WIZ: variants seen among roughly 807,000 people sequenced by gnomAD.
WIZ encodes protein Wiz.
WIZ carries 25 observed loss-of-function variants against 140.2 expected under a neutral mutation model. The observed-to-expected ratio is 0.18, with a 90% CI of 0.13 to 0.25. WIZ has a LOEUF of 0.25. Among genes scored for constraint, WIZ ranks in the 10% least tolerant of loss-of-function variants. The probability of loss-of-function intolerance (pLI) is 1.00; values close to 1 mark genes in which losing one functional copy is unlikely to be tolerated. For synonymous variants in WIZ, 1,125 were observed against 1,154.3 expected, an observed-to-expected ratio of 0.97 and a Z score of 0.51; for missense variants, 2,231 against 2,632.6, an observed-to-expected ratio of 0.85 and a Z score of 3.34.
chr19:15,439,994 T>G lies in WIZ; in HGVS notation c.1000A>C (p.Met334Leu), dbSNP rs773905815. ...CCCGGGGCTCGGCGGTGCTGGCTCATGTGCTCCAGGAGGTGCTCCTTCTGC... is the reference window on the plus strand; with the variant it reads ...CCCGGGGCTCGGCGGTGCTGGCTCAGGTGCTCCAGGAGGTGCTCCTTCTGC... ...FKQKEHLLEH[M>L]SQHRRAPGQE... The change falls in exon 4 of 13, where the codon ATG becomes CTG. Residue 334 changes from methionine to leucine, a missense_variant. Coordinates refer to ENST00000673675, the MANE Select transcript of WIZ (RefSeq NM_001371589.1). This position sits in a 1 kb window ranked among gnomAD's most constrained non-coding sequence, Gnocchi z 7.0. 1 of 1,535,786 alleles carries G rather than the reference T, an allele frequency of 6.5e-7. No individual in the cohort carries two copies. The highest frequency in any genetic ancestry group is 8.7e-7 in the Non-Finnish European group (1 of 1,146,764).
chr19:15,439,759 G>A lies in WIZ; in HGVS notation c.1235C>T (p.Ser412Leu). ...QCPKCVFGTN[S>L]SRAYVQHAKL... is the part of the protein sequence containing the mutation. ...GGCATGCTGCACATAGGCCCTGGATGAATTGGTGCCAAAGACACACTTAGG... is the reference window on the plus strand; with the variant it reads ...GGCATGCTGCACATAGGCCCTGGATAAATTGGTGCCAAAGACACACTTAGG... The change falls in exon 4 of 13, where the codon TCA becomes TTA. Residue 412 changes from serine (S) to leucine (L), a missense_variant. Ser to Leu is a moderately radical substitution (Grantham distance 145). Around this residue, in one of 15 missense-constraint regions of WIZ, gnomAD observed 475 missense variants for 520.2 expected, o/e 0.91. Transcript: ENST00000673675. This position sits in a 1 kb window ranked among gnomAD's most constrained non-coding sequence, Gnocchi z 7.0. The A allele has an allele frequency of 1.4e-6, 2 of 1,479,628 alleles. No individual in the cohort carries two copies. The highest frequency in any genetic ancestry group is 1.8e-6 in the Non-Finnish European group (2 of 1,120,024). The allele number at this position is 1,479,628 out of a possible 1,614,324, so 91.7% of individuals were successfully genotyped here. A position where few individuals can be genotyped will look rare whatever the true frequency, so the allele number is the denominator to read the frequency against.
At chr19:15,441,356 C>A (rs1375179696) in intron 3 of WIZ, among the ~76,000 whole-genome samples, 2 of 152,170 alleles carry the variant, frequency 1.3e-5, no homozygotes, top group Non-Finnish European at 2.9e-5. Flanking sequence ...TTTTCCAATC[C>A]TGAAATTGGG....
In WIZ at chr19:15,426,991, G is replaced by A. The variant is rs777914432; in HGVS notation, c.4357C>T (p.Leu1453=). 19 of 1,612,114 alleles carry A rather than the reference G, an allele frequency of 1.2e-5. No homozygotes were observed. Among genetic ancestry groups the A allele is most frequent in the Admixed American group, 3.3e-5 (2 of 59,928 alleles). ...GCAGGGTCACACTTACACAGGTTCA[G>A]GGGTGTCATGTCTTCCCGTGGTGCC... ...WGAPREDMTP[L]NLSSRAEPVR... Residue 1453 remains leucine, a synonymous_variant, in exon 9 of 13, where the codon CTG becomes TTG. Transcript: ENST00000673675.
chr19:15,437,994 GACACACAC>G (rs140038466), intron 4 of WIZ, among the ~76,000 whole-genome samples: 1 of 150,544 alleles, frequency 6.6e-6, no homozygotes, highest in African/African-American at 2.4e-5. Flanking sequence ...CTAGTGCGTA[GACACACAC>G]ACACACACAC....
rs34791443 is a variant in WIZ, at chr19:15,442,184, CAAA to C, written c.278+489_278+491del. On this transcript the variant is annotated intron_variant, in intron 3 of 12. Transcript: ENST00000673675. This position sits in a 1 kb window ranked among gnomAD's most constrained non-coding sequence, Gnocchi z 5.5. ...CCTGGGCGATAGAGTGAGACTTTCT[CAAA>C]AAAAAAAAAAAAAGATGACTATGAC... Among the ~76,000 whole-genome samples the C allele has an allele frequency of 3.7e-5, 5 of 134,696 alleles. No homozygotes were observed. The highest frequency in any genetic ancestry group is 7.4e-5 in the Admixed American group (1 of 13,580). 88.4% of individuals were successfully genotyped at this position (134,696 alleles called of 152,430 possible).
Position 15,424,086 on chromosome 19 carries a change from C to A in WIZ, c.5510+97G>T. On this transcript the variant is annotated intron_variant, in intron 12 of 12. Coordinates refer to ENST00000673675, the MANE Select transcript of WIZ (RefSeq NM_001371589.1). This position sits in a 1 kb window ranked among gnomAD's most constrained non-coding sequence, Gnocchi z 9.7. ...CACCCAAGGGCAGCCACTGAGGCGACACCTCCCAGCTTCCACCAAACCCTA... is the reference window on the plus strand; with the variant it reads ...CACCCAAGGGCAGCCACTGAGGCGAAACCTCCCAGCTTCCACCAAACCCTA... 8.3e-7 allele frequency: 1 copy of A among 1,199,258 alleles called. No individual in the cohort carries two copies. Among genetic ancestry groups the A allele is most frequent in the Non-Finnish European group, 1.1e-6 (1 of 896,040 alleles). The allele number at this position is 1,199,258 out of a possible 1,614,324, so 74.3% of individuals were successfully genotyped here.
rs1346157987 is a variant in WIZ at position 15,422,211 on chromosome 19, G to T, written c.*865C>A. 1 of 152,250 alleles carries T rather than the reference G, an allele frequency of 6.6e-6. No individual in the cohort carries two copies. The highest frequency in any genetic ancestry group is 1.5e-5 in the Non-Finnish European group (1 of 68,060). 9.4% of individuals were successfully genotyped at this position (152,250 alleles called of 1,614,324 possible). A position where few individuals can be genotyped will look rare whatever the true frequency, so the allele number is the denominator to read the frequency against. On this transcript the variant is annotated 3_prime_UTR_variant, in exon 13 of 13. Coordinates refer to ENST00000673675, the MANE Select transcript of WIZ (RefSeq NM_001371589.1). ...AGCTCCTGGCTTCTAGCTGGCCCAG[G>T]ATTGCAAAATAAAAAGATCCACGTT... is the stretch of plus-strand genomic sequence containing the variant.
chr19:15,430,646 C>T lies in WIZ; in HGVS notation c.2911+366G>A, dbSNP rs575438043. On this transcript the variant is annotated intron_variant, in intron 6 of 12. Coordinates refer to ENST00000673675, the MANE Select transcript of WIZ (RefSeq NM_001371589.1). ...CCTCCCTGGAGTCCACCCCAGGGCC[C>T]GTCACTAGTCAATAACAACCTTAGG... is the stretch of plus-strand genomic sequence containing the variant. 6.6e-5 allele frequency among the ~76,000 whole-genome samples: 10 copies of T among 152,276 alleles called. No individual in the cohort carries two copies. The East Asian group carries it at 1.9e-3, about 29-fold the overall frequency.
At chr19:15,446,787 C>T (rs1969934504) in intron 2 of WIZ, among the ~76,000 whole-genome samples, 1 of 152,256 alleles carries the variant, frequency 6.6e-6, no homozygotes. Context: ...ATCATAACAT[C>T]TGTCTCCCCA....
intron 1 of WIZ, among the ~76,000 whole-genome samples, chr19:15,449,031 C>T (rs1970017610): frequency 6.6e-6 from 1 of 152,044 alleles, no homozygotes; most frequent in South Asian, 2.1e-4. Flanking sequence ...TCATGCATAC[C>T]CAGCTTGGGC....
chr19:15,447,966 G>A lies in WIZ; in HGVS notation c.205+137C>T, dbSNP rs954088387. ...ACTGTCAAATAAGAAACTAAACAGA[G>A]TACAAAGAAAAGGCTCTGGACCCAA... On this transcript the variant is annotated intron_variant, in intron 2 of 12. Coordinates refer to ENST00000673675, the MANE Select transcript of WIZ (RefSeq NM_001371589.1). 5 of 1,008,502 alleles carry A rather than the reference G, an allele frequency of 5.0e-6. 1 individual carries two copies. The highest frequency in any genetic ancestry group is 3.3e-5 in the African/African-American group (2 of 61,076). 62.5% of individuals were successfully genotyped at this position (1,008,502 alleles called of 1,614,324 possible).
intron 2 of WIZ, among the ~76,000 whole-genome samples, chr19:15,444,321 A>G (rs1433915946): frequency 6.6e-6 from 1 of 152,090 alleles, no homozygotes; most frequent in Non-Finnish European, 1.5e-5. Context: ...TGAACCCAAG[A>G]AAAGGGTTGT....
rs1449750861 is a variant in WIZ at position 15,422,212 on chromosome 19, A to C, written c.*864T>G. On this transcript the variant is annotated 3_prime_UTR_variant, in exon 13 of 13. Coordinates refer to ENST00000673675, the MANE Select transcript of WIZ (RefSeq NM_001371589.1). The stretch of plus-strand genomic sequence containing the variant: ...GCTCCTGGCTTCTAGCTGGCCCAGG[A>C]TTGCAAAATAAAAAGATCCACGTTC... 6.6e-6 allele frequency: 1 copy of C among 152,264 alleles called. No homozygotes were observed. The highest frequency in any genetic ancestry group is 1.5e-5 in the Non-Finnish European group (1 of 68,070). The allele number at this position is 152,264 out of a possible 1,614,324, so 9.4% of individuals were successfully genotyped here.
intron 12 of WIZ, chr19:15,423,914 C>T (rs900173310): frequency 5.9e-5 from 24 of 407,430 alleles, no homozygotes; most frequent in African/African-American, 3.1e-4. Flanking sequence ...GTTATCAACC[C>T]GCTTTTATGA....
At chr19:15,430,334 G>C (rs1192045471) in intron 6 of WIZ, among the ~76,000 whole-genome samples, 2 of 152,244 alleles carry the variant, frequency 1.3e-5, no homozygotes, top group African/African-American at 4.8e-5. Context: ...GCAGGAGATA[G>C]AGCCCTTCTG....
chr19:15,428,048 C>G lies in WIZ; in HGVS notation c.3814+62G>C, dbSNP rs915357826. ...CCCCAGCAGGGAGGGGGCTGTGACC[C>G]CCCCCCCGGGAGGGGCTCCAGGGCC... On this transcript the variant is annotated intron_variant, in intron 8 of 12. Transcript: ENST00000673675. This position sits in a 1 kb window ranked among gnomAD's most constrained non-coding sequence, Gnocchi z 6.4. 2.0e-5 allele frequency: 30 copies of G among 1,513,714 alleles called. No homozygotes were observed. Among genetic ancestry groups the G allele is most frequent in the Admixed American group, 8.5e-5 (4 of 47,030 alleles). The allele number at this position is 1,513,714 out of a possible 1,614,324, so 93.8% of individuals were successfully genotyped here. A position where few individuals can be genotyped will look rare whatever the true frequency, so the allele number is the denominator to read the frequency against.
chr19:15,439,877 G>A lies in WIZ; in HGVS notation c.1117C>T (p.Leu373=). ...ATCTTCTCCCGGGAGGCCTGATGCA[G>A]CTGCCGGTGCTGCTCCAGGGCAGTG... is the stretch of plus-strand genomic sequence containing the variant. ...DPTALEQHRQ[L]HQASREKIIE... The change falls in exon 4 of 13, where the codon CTG becomes TTG. Residue 373 remains leucine, a synonymous_variant. Coordinates refer to ENST00000673675, the MANE Select transcript of WIZ (RefSeq NM_001371589.1). The surrounding 1 kb of genome is among the most constrained non-coding windows in gnomAD (Gnocchi z 7.0). 6.6e-7 allele frequency: 1 copy of A among 1,524,760 alleles called. No individual in the cohort carries two copies. Among genetic ancestry groups the A allele is most frequent in the Non-Finnish European group, 8.8e-7 (1 of 1,140,912 alleles). 94.5% of individuals were successfully genotyped at this position (1,524,760 alleles called of 1,614,324 possible).
rs1215742790 is a variant in WIZ at position 15,420,252 on chromosome 19, G to A, written c.*2824C>T. On this transcript the variant is annotated 3_prime_UTR_variant, in exon 13 of 13. Coordinates refer to ENST00000673675, the MANE Select transcript of WIZ (RefSeq NM_001371589.1). ...CCATTTTACTGTTTGCTCTACTTTT[G>A]TATAGTTGGAATTCTCCATGATAAA... 1 of 152,202 alleles carries A rather than the reference G, an allele frequency of 6.6e-6. No homozygotes were observed. Among genetic ancestry groups the A allele is most frequent in the African/African-American group, 2.4e-5 (1 of 41,454 alleles). The allele number at this position is 152,202 out of a possible 1,614,324, so 9.4% of individuals were successfully genotyped here.
In WIZ at chr19:15,429,850, G is replaced by A. The variant is rs765346675; in HGVS notation, c.3151C>T (p.Pro1051Ser). 41 of 1,530,212 alleles carry A rather than the reference G, an allele frequency of 2.7e-5. No homozygotes were observed. In the African/African-American group the frequency reaches 5.6e-4, roughly 21 times the overall value. 94.8% of individuals were successfully genotyped at this position (1,530,212 alleles called of 1,614,324 possible). Residue 1051 changes from proline to serine, a missense_variant, in exon 7 of 13, where the codon CCC (proline) becomes TCC (serine). Pro to Ser is a moderately conservative substitution (Grantham distance 74). This residue lies in a region of WIZ where 163 missense variants were observed against 166.8 expected (regional missense o/e 0.98). Coordinates refer to ENST00000673675, the MANE Select transcript of WIZ (RefSeq NM_001371589.1). The stretch of plus-strand genomic sequence containing the variant: ...GCCAGGCTGAGCAAGCCGGGCCGGG[G>A]GGCCCCGGCGACCACCTCCTTCAGT... ...SSLKEVVAGA[P>S]RPGLLSLAKP...
Sources: gnomAD v4.1 joint callset for allele counts (sites outside exome capture counted in the v4.1 genomes callset) on GRCh38, gnomAD v4.1.1 for gene constraint, gnomAD v4.1.1 regional missense constraint, Gnocchi (gnomAD v3.1) non-coding constraint, MANE v1.5 for transcripts, NCBI Gene and HGNC (gene_info 2026-07-23, HGNC 2026-07-21) for gene names.